GSE1: variants seen among roughly 807,000 people sequenced by gnomAD.
GSE1 encodes the protein Gse1 coiled-coil protein, also known as genetic suppressor element 1.
In GSE1, 32 loss-of-function variants were observed where a neutral mutation model predicts 112.6. The observed-to-expected ratio is 0.28, with a 90% confidence interval of 0.21 to 0.38. The LOEUF (loss-of-function observed/expected upper bound fraction) is 0.38, where lower values mean the gene tolerates loss of function less well. GSE1 is among the 10% of genes least tolerant of loss of function. GSE1 has a pLI of 1.00. For synonymous variants in GSE1, 1,115 were observed against 735.6 expected (o/e 1.52, Z -8.35); for missense variants, 2,348 against 1,699.2 (o/e 1.38, Z -6.71).
Position 85,445,829 on chromosome 16 carries a change from C to T in GSE1, c.2464+88186C>T, listed in dbSNP as rs1201567225. On this transcript the variant is annotated intron_variant, in intron 2 of 2. Coordinates refer to the GSE1 transcript ENST00000637419. ...CCTTGTGGGATTTCTGCTGGGGGCC[C>T]GCCTTGCAGCTCGCTGGGGTCAGGC... is the stretch of plus-strand genomic sequence containing the variant. Among the ~76,000 whole-genome samples the T allele has an allele frequency of 3.9e-5, 6 of 152,174 alleles. 1 individual carries two copies. The highest frequency in any genetic ancestry group is 3.9e-4 in the East Asian group (2 of 5,188).
intron 2 of GSE1, among the ~76,000 whole-genome samples, chr16:85,370,323 G>A (rs530834402): frequency 2.0e-5 from 3 of 152,240 alleles, no homozygotes; most frequent in South Asian, 4.1e-4. Flanking sequence ...CAGTGCACTG[G>A]GCGTCCCTCT....
intron 2 of GSE1, chr16:85,359,402 G>A (rs909464159): frequency 1.1e-5 from 5 of 455,950 alleles, no homozygotes; most frequent in African/African-American, 2.0e-5. Flanking sequence ...AGGCCCAGAT[G>A]GACCCCTAGG....
At chr16:85,545,914 C>G (rs1245407448) in intron 2 of GSE1, among the ~76,000 whole-genome samples, 1 of 151,834 alleles carries the variant, frequency 6.6e-6, no homozygotes, top group South Asian at 2.1e-4. Flanking sequence ...TCCCGAGTAG[C>G]TGGGACTACA....
chr16:85,556,150 G>T (rs987578994), exon 1 of GSE1: 2 of 946,696 alleles, frequency 2.1e-6, no homozygotes, highest in African/African-American at 2.0e-5. Context: ...GGGCGGGGGG[G>T]GGAAAGACTG....
intron 1 of GSE1, among the ~76,000 whole-genome samples, chr16:85,557,338 TCCTC>T (rs1476163317): frequency 6.6e-6 from 1 of 151,986 alleles, no homozygotes; most frequent in Non-Finnish European, 1.5e-5. Flanking sequence ...CTGATTTTAT[TCCTC>T]CCTCCCTCCG....
chr16:85,634,143 C>G lies in GSE1; in HGVS notation c.226+11C>G. 1 of 1,446,168 alleles carries G rather than the reference C, an allele frequency of 6.9e-7. No individual in the cohort carries two copies. Among genetic ancestry groups the G allele is most frequent in the Non-Finnish European group, 9.0e-7 (1 of 1,107,064 alleles). 89.6% of individuals were successfully genotyped at this position (1,446,168 alleles called of 1,614,324 possible). ...CGGAGGAGCCCAGAGGTAAGGGGGC[C>G]CGCCAGGCTGCGCGTGGGGGGAGCG... On this transcript the variant is annotated intron_variant, in intron 2 of 15. Coordinates refer to ENST00000253458, the MANE Select transcript of GSE1 (RefSeq NM_014615.5).
At chr16:85,413,423 G>T (rs536933938) in intron 2 of GSE1, among the ~76,000 whole-genome samples, 3 of 152,198 alleles carry the variant, frequency 2.0e-5, no homozygotes, top group Admixed American at 2.0e-4. Flanking sequence ...TGACCCCCAA[G>T]CATGGCGGCC....
chr16:85,655,631 G>A, intron 5 of GSE1, 95 bp from the exon 6 acceptor site: 1 of 727,504 alleles, frequency 1.4e-6, no homozygotes, highest in South Asian at 1.8e-5. Context: ...CCACGCTCAG[G>A]CAGGTGTGTG....
chr16:85,431,780 G>A lies in GSE1; in HGVS notation c.2464+74137G>A, dbSNP rs573255996. 2.6e-5 allele frequency among the ~76,000 whole-genome samples: 4 copies of A among 152,326 alleles called. No homozygotes were observed. In the South Asian group the frequency reaches 8.3e-4, roughly 32 times the overall value. ...GCCGCCTTGCCTCCCTGGCCCCCCA[G>A]CCACCCACGCACCCTCTCCTGACAG... On this transcript the variant is annotated intron_variant, in intron 2 of 2. Coordinates refer to the GSE1 transcript ENST00000637419.
At chr16:85,638,264 A>G (rs924827406) in intron 2 of GSE1, among the ~76,000 whole-genome samples, 1 of 152,258 alleles carries the variant, frequency 6.6e-6, no homozygotes, top group South Asian at 2.1e-4. Context: ...TGGGAAGGAG[A>G]GGAAGAGGAG....
At position 85,657,374 on chromosome 16, in the gene GSE1, C is replaced by G. The variant is rs2052053162; in HGVS notation, c.1410C>G (p.Ser470=). Reference sequence around the variant, plus strand: ...ACCACACGGTGCCCAGCCTCATCTCCAACCATGGCATCTTCTCTCTGCCTA... The same window carrying G: ...ACCACACGGTGCCCAGCCTCATCTCGAACCATGGCATCTTCTCTCTGCCTA... ...TPHHTVPSLI[S]NHGIFSLPSS... Residue 470 remains serine (S), a synonymous_variant, in exon 8 of 16, where the codon TCC becomes TCG. Coordinates refer to ENST00000253458, the MANE Select transcript of GSE1 (RefSeq NM_014615.5). The G allele has an allele frequency of 1.2e-5, 20 of 1,612,568 alleles. No homozygotes were observed. The highest frequency in any genetic ancestry group is 1.2e-5 in the Non-Finnish European group (14 of 1,179,842).
intron 1 of GSE1, among the ~76,000 whole-genome samples, chr16:85,252,242 G>A (rs76162468): frequency 8.5e-5 from 13 of 152,244 alleles, no homozygotes; most frequent in South Asian, 4.2e-4. Context: ...GGAGGGGGCT[G>A]AGCCTGTCAC....
intron 1 of GSE1, among the ~76,000 whole-genome samples, chr16:85,262,564 A>G (rs16975436): frequency 0.012 from 1,813 of 152,334 alleles, 32 homozygotes; most frequent in African/African-American, 0.042. Context: ...CATTTTGGCC[A>G]TGCCATTAGA....
At chr16:85,483,118 A>G (rs549743652) in intron 2 of GSE1, among the ~76,000 whole-genome samples, 2 of 152,322 alleles carry the variant, frequency 1.3e-5, no homozygotes, top group South Asian at 4.1e-4. Context: ...ACCTCTGGCT[A>G]TGTGGATCAG....
At chr16:85,503,360 C>A (rs1390534164) in intron 2 of GSE1, among the ~76,000 whole-genome samples, 1 of 152,218 alleles carries the variant, frequency 6.6e-6, no homozygotes, top group African/African-American at 2.4e-5. Flanking sequence ...CCCTAACTCC[C>A]CAGCCTCCAC....
chr16:85,288,523 C>T lies in GSE1; in HGVS notation c.2284-68940C>T, dbSNP rs538633820. Among the ~76,000 whole-genome samples, 211 of 152,298 alleles carry T rather than the reference C, an allele frequency of 1.4e-3. 1 individual carries two copies. Among genetic ancestry groups the T allele is most frequent in the Non-Finnish European group, 2.7e-3 (183 of 68,022 alleles). Reference sequence around the variant, plus strand: ...GGAATGTGACAACCTGTTGAGAGCCCGCTGTGTGTGGCAGTGCCATGCCCA... The same window carrying T: ...GGAATGTGACAACCTGTTGAGAGCCTGCTGTGTGTGGCAGTGCCATGCCCA... On this transcript the variant is annotated intron_variant, in intron 1 of 2. Coordinates refer to the GSE1 transcript ENST00000637419.
intron 1 of GSE1, among the ~76,000 whole-genome samples, chr16:85,265,296 A>G (rs1458711956): frequency 6.6e-6 from 1 of 152,186 alleles, no homozygotes; most frequent in Non-Finnish European, 1.5e-5. Flanking sequence ...CCTGCAAGCC[A>G]GTTTCATAAA....
In GSE1 at chr16:85,532,411, C is replaced by A. The variant is rs1387626190; in HGVS notation, c.2465-101503C>A. Among the ~76,000 whole-genome samples the A allele has an allele frequency of 2.0e-5, 3 of 152,316 alleles. No individual in the cohort carries two copies. In the East Asian group the frequency reaches 5.8e-4, roughly 29 times the overall value. On this transcript the variant is annotated intron_variant, in intron 2 of 2. Transcript: ENST00000637419. ...GAGTAGCTGGAACCACAAGCATACGCCACCACGCCAGGCTAAACTTATTTT... is the reference window on the plus strand; with the variant it reads ...GAGTAGCTGGAACCACAAGCATACGACACCACGCCAGGCTAAACTTATTTT...
chr16:85,434,836 G>C (rs761935085), intron 2 of GSE1, among the ~76,000 whole-genome samples: 1 of 152,202 alleles, frequency 6.6e-6, no homozygotes, highest in Non-Finnish European at 1.5e-5. Context: ...GGAAGTATCA[G>C]AGCCAGAATG....
Sources: allele counts gnomAD v4.1 joint callset (sites outside exome capture counted in the v4.1 genomes callset), GRCh38; gene constraint gnomAD v4.1.1; transcripts MANE v1.5; gene names NCBI Gene and HGNC (gene_info 2026-07-23, HGNC 2026-07-21).